Variants in SYN2 observed in about 807,000 individuals in gnomAD.
SYN2 encodes synapsin-2.
SYN2 carries 19 observed loss-of-function variants against 50.9 expected under a neutral mutation model. The observed-to-expected ratio is 0.37, with a 90% CI of 0.26 to 0.55. The LOEUF is 0.55. SYN2 is among the 20% of genes least tolerant of loss of function. The probability of loss-of-function intolerance (pLI) is 0.81; values close to 1 mark genes in which losing one functional copy is unlikely to be tolerated. For missense variants in SYN2, 587 were observed against 576.4 expected (o/e 1.02, Z -0.19); for synonymous variants, 255 against 224.9 (o/e 1.13, Z -1.20).
chr3:12,183,479 G>A, intron 11 of SYN2, 107 bp downstream of exon 11: 8 of 1,605,376 alleles, frequency 5.0e-6, no homozygotes, highest in Middle Eastern at 1.7e-4. Context: ...GAAATTTTAA[G>A]CCAAAAACAA....
chr3:12,037,685 G>C (rs886418367), intron 1 of SYN2, among the ~76,000 whole-genome samples: 6 of 152,142 alleles, frequency 3.9e-5, no homozygotes, highest in African/African-American at 1.4e-4. Flanking sequence ...CATGATAACA[G>C]CATTAATCCA....
At chr3:12,018,642 A>G (rs1238067660) in intron 1 of SYN2, among the ~76,000 whole-genome samples, 2 of 152,168 alleles carry the variant, frequency 1.3e-5, no homozygotes, top group Non-Finnish European at 2.9e-5. Flanking sequence ...TAGTGATGGG[A>G]GGATTGAGAC....
chr3:12,107,406 C>T (rs1339181140), intron 1 of SYN2, among the ~76,000 whole-genome samples: 1 of 152,104 alleles, frequency 6.6e-6, no homozygotes, highest in East Asian at 1.9e-4. Flanking sequence ...ATAACATTTG[C>T]TCGGTCCTTA....
intron 1 of SYN2, among the ~76,000 whole-genome samples, chr3:12,114,116 C>CTTTTTTTTTTTTTTTTTTT (rs879363432): frequency 6.9e-6 from 1 of 144,548 alleles, no homozygotes. Flanking sequence ...AATAGTCCAT[C>CTTTTTTTTTTTTTTTTTTT]TTTTTTTTTT....
chr3:12,131,180 T>C (rs1329565426), intron 1 of SYN2, among the ~76,000 whole-genome samples: 1 of 152,322 alleles, frequency 6.6e-6, no homozygotes, highest in African/African-American at 2.4e-5. Context: ...GCAGGCATCC[T>C]GAGGAAGAGG....
At chr3:12,114,738 C>T (rs1327001347) in intron 1 of SYN2, among the ~76,000 whole-genome samples, 2 of 152,078 alleles carry the variant, frequency 1.3e-5, no homozygotes, top group Non-Finnish European at 2.9e-5. Context: ...AATTTAGAAA[C>T]TTATTATTTA....
At chr3:12,163,502 G>A (rs1179296577) in intron 7 of SYN2, among the ~76,000 whole-genome samples, 1 of 151,448 alleles carries the variant, frequency 6.6e-6, no homozygotes, top group Non-Finnish European at 1.5e-5. Context: ...ACACCTCTTG[G>A]TTAGCACTTG....
intron 1 of SYN2, among the ~76,000 whole-genome samples, chr3:12,045,622 CAATT>C: frequency 6.6e-6 from 1 of 152,182 alleles, no homozygotes; most frequent in Non-Finnish European, 1.5e-5. Flanking sequence ...AGCCCGTAGA[CAATT>C]AATCTTCCCA....
intron 7 of SYN2, among the ~76,000 whole-genome samples, chr3:12,165,915 T>C (rs1283085485): frequency 6.6e-6 from 1 of 152,098 alleles, no homozygotes; most frequent in African/African-American, 2.4e-5. Flanking sequence ...TCCTGGACTT[T>C]TATCTCATAC....
chr3:12,009,632 T>A (rs1693875199), intron 1 of SYN2, among the ~76,000 whole-genome samples: 1 of 152,222 alleles, frequency 6.6e-6, no homozygotes, highest in Non-Finnish European at 1.5e-5. Context: ...ATTCTTTTTC[T>A]CCTGAAAAAT....
chr3:12,142,706 G>A (rs1405023869), intron 3 of SYN2, among the ~76,000 whole-genome samples: 1 of 152,194 alleles, frequency 6.6e-6, no homozygotes, highest in Non-Finnish European at 1.5e-5. Flanking sequence ...AGAGGGGGCG[G>A]CGGGAAATGG....
intron 1 of SYN2, among the ~76,000 whole-genome samples, chr3:12,139,992 G>C (rs1230875362): frequency 6.6e-6 from 1 of 152,232 alleles, no homozygotes; most frequent in African/African-American, 2.4e-5. Flanking sequence ...AAGATACTAT[G>C]TACTGTGTAA....
At chr3:12,098,084 A>G (rs1228114086) in intron 1 of SYN2, among the ~76,000 whole-genome samples, 1 of 152,228 alleles carries the variant, frequency 6.6e-6, no homozygotes, top group Non-Finnish European at 1.5e-5. Flanking sequence ...TGAACACACC[A>G]TAATCAAACT....
chr3:12,070,321 T>C, intron 1 of SYN2: 3 of 504,706 alleles, frequency 5.9e-6, no homozygotes, highest in Non-Finnish European at 4.0e-6. Flanking sequence ...CGTGTTCCCC[T>C]CCATCCTTAG....
chr3:12,166,833 A>G (rs1032216833), intron 7 of SYN2, among the ~76,000 whole-genome samples: 4 of 152,246 alleles, frequency 2.6e-5, no homozygotes, highest in African/African-American at 7.2e-5. Context: ...ACAAGACACG[A>G]TATGTACCTT....
At chr3:12,028,102 C>T (rs1694304494) in intron 1 of SYN2, among the ~76,000 whole-genome samples, 1 of 126,656 alleles carries the variant, frequency 7.9e-6, no homozygotes, top group South Asian at 2.7e-4. Flanking sequence ...TCAATTCCCA[C>T]CTATGAGTGA....
intron 1 of SYN2, among the ~76,000 whole-genome samples, chr3:12,124,700 A>G (rs1277193311): frequency 6.6e-6 from 1 of 152,228 alleles, no homozygotes; most frequent in Non-Finnish European, 1.5e-5. Context: ...AGATAGATAT[A>G]AAATAGCATC....
At chr3:12,115,486 C>G (rs1311674237) in intron 1 of SYN2, among the ~76,000 whole-genome samples, 1 of 152,136 alleles carries the variant, frequency 6.6e-6, no homozygotes, top group African/African-American at 2.4e-5. Flanking sequence ...AGAAAGTTGG[C>G]TGTGAAAAGC....
At chr3:12,145,541 A>G in intron 3 of SYN2, 138 bp from the exon 4 acceptor site, 1 of 1,005,140 alleles carries the variant, frequency 9.9e-7, no homozygotes, top group South Asian at 1.7e-5. Context: ...TCTCTAAAAT[A>G]ACAACAGTAA....
Sources: allele counts gnomAD v4.1 joint callset (sites outside exome capture counted in the v4.1 genomes callset), GRCh38; gene constraint gnomAD v4.1.1; transcripts MANE v1.5; gene names NCBI Gene and HGNC (gene_info 2026-07-23, HGNC 2026-07-21).